TMEM108: variants seen among roughly 807,000 people sequenced by gnomAD.
TMEM108 encodes cancer/testis antigen 124.
In TMEM108, 12 loss-of-function variants were observed where a neutral mutation model predicts 35.1. The ratio of observed to expected loss-of-function variants is 0.34; its 90% CI spans 0.22 to 0.55. The LOEUF (loss-of-function observed/expected upper bound fraction) is 0.55. Among genes scored for constraint, TMEM108 ranks in the 20% least tolerant of loss-of-function variants. The probability of loss-of-function intolerance (pLI) is 0.89; values close to 1 mark genes in which losing one functional copy is unlikely to be tolerated. For synonymous variants in TMEM108, 287 were observed against 308.6 expected, an observed-to-expected ratio of 0.93 and a Z score of 0.73; for missense variants, 680 against 753.3, an observed-to-expected ratio of 0.90 and a Z score of 1.14.
At chr3:133,376,098 CA>C (rs2072830222) in intron 3 of TMEM108, among the ~76,000 whole-genome samples, 1 of 152,186 alleles carries the variant, frequency 6.6e-6, no homozygotes, top group East Asian at 1.9e-4. Flanking sequence ...TAGGCAGCAG[CA>C]ACAAAGACAA....
chr3:133,105,167 G>A (rs1944134570), intron 2 of TMEM108, among the ~76,000 whole-genome samples: 1 of 152,162 alleles, frequency 6.6e-6, no homozygotes, highest in South Asian at 2.1e-4. Context: ...TCTGTGTCAG[G>A]TGGCATAGGG....
chr3:133,056,107 A>G (rs1008596700), intron 2 of TMEM108, among the ~76,000 whole-genome samples: 1 of 151,962 alleles, frequency 6.6e-6, no homozygotes, highest in African/African-American at 2.4e-5. Context: ...TCTTTGCCTC[A>G]ATTCTTATAT....
At chr3:133,133,680 CCTTTTTTTTT>C (rs1159739875) in intron 2 of TMEM108, among the ~76,000 whole-genome samples, 3 of 150,138 alleles carry the variant, frequency 2.0e-5, no homozygotes, top group Non-Finnish European at 4.4e-5. Flanking sequence ...CTTTTTTTTT[CCTTTTTTTTT>C]CTTTCTTTTT....
intron 3 of TMEM108, among the ~76,000 whole-genome samples, chr3:133,243,677 C>A (rs148730008): frequency 1.3e-5 from 2 of 152,080 alleles, no homozygotes; most frequent in Non-Finnish European, 1.5e-5. Context: ...CCTGCCACCA[C>A]GCCCGGCTAA....
At chr3:133,351,165 C>G (rs1488178261) in intron 3 of TMEM108, among the ~76,000 whole-genome samples, 2 of 152,170 alleles carry the variant, frequency 1.3e-5, no homozygotes, top group Non-Finnish European at 2.9e-5. Flanking sequence ...GCCTTTCGTT[C>G]CAGCACTGCT....
chr3:133,174,983 G>A (rs1945194429), intron 2 of TMEM108, among the ~76,000 whole-genome samples: 1 of 152,122 alleles, frequency 6.6e-6, no homozygotes, highest in African/African-American at 2.4e-5. Flanking sequence ...GTCCTTAAAG[G>A]ACCTGATGGA....
At chr3:133,228,268 G>T (rs1946103462) in intron 2 of TMEM108, among the ~76,000 whole-genome samples, 1 of 151,348 alleles carries the variant, frequency 6.6e-6, no homozygotes, top group African/African-American at 2.4e-5. Context: ...CATGCTAGTA[G>T]AGAATTGTTA....
chr3:133,255,521 T>C (rs560747797), intron 3 of TMEM108, among the ~76,000 whole-genome samples: 1 of 152,042 alleles, frequency 6.6e-6, no homozygotes, highest in South Asian at 2.1e-4. Context: ...TGAGAAAGGG[T>C]AATTGAGACA....
At chr3:133,108,167 G>C (rs892390768) in intron 2 of TMEM108, among the ~76,000 whole-genome samples, 1 of 152,064 alleles carries the variant, frequency 6.6e-6, no homozygotes, top group Non-Finnish European at 1.5e-5. Context: ...GGAGGCGGAG[G>C]TTGCAATAAG....
intron 2 of TMEM108, among the ~76,000 whole-genome samples, chr3:133,092,880 CT>C (rs1943966949): frequency 6.6e-6 from 1 of 152,054 alleles, no homozygotes; most frequent in Admixed American, 6.6e-5. Context: ...CAGAACAAAG[CT>C]GTGTAATCAT....
intron 2 of TMEM108, among the ~76,000 whole-genome samples, chr3:133,123,692 C>T (rs1944381210): frequency 6.6e-6 from 1 of 152,142 alleles, no homozygotes; most frequent in South Asian, 2.1e-4. Flanking sequence ...GAATAAGAAG[C>T]CTCTTTTTAG....
At chr3:133,192,921 T>TGTGTGTGCGCGCGTGTGTGC (rs1419512673) in intron 2 of TMEM108, 4 of 152,020 alleles carry the variant, frequency 2.6e-5, no homozygotes, top group Admixed American at 1.3e-4. Flanking sequence ...TGTGTGTGTG[T>TGTGTGTGCGCGCGTGTGTGC]GTGCGCGTGT....
Position 133,159,471 on chromosome 3 carries a change from TC to T in TMEM108, c.-46-69794del, listed in dbSNP as rs1184662391. On this transcript the variant is annotated intron_variant, in intron 2 of 5. Transcript: ENST00000321871. Reference sequence around the variant, plus strand: ...AGGATCCACCCCTTTGATGACCTGATCTTTGAGGGCTCTTGCACCTTACTCA... The same window carrying T: ...AGGATCCACCCCTTTGATGACCTGATTTTGAGGGCTCTTGCACCTTACTCA... Among the ~76,000 whole-genome samples, 3 of 152,322 alleles carry T rather than the reference TC, an allele frequency of 2.0e-5. No individual in the cohort carries two copies. In the East Asian group the frequency reaches 5.8e-4, roughly 29 times the overall value.
chr3:133,253,126 G>T (rs749967019), intron 3 of TMEM108, among the ~76,000 whole-genome samples: 1 of 152,128 alleles, frequency 6.6e-6, no homozygotes, highest in Non-Finnish European at 1.5e-5. Flanking sequence ...TTCTTCAGGG[G>T]TCCTGGGACC....
At chr3:133,198,676 A>G (rs929859215) in intron 2 of TMEM108, among the ~76,000 whole-genome samples, 8 of 152,250 alleles carry the variant, frequency 5.3e-5, no homozygotes, top group African/African-American at 1.9e-4. Context: ...CATCTTTTGT[A>G]AAGATTAAAA....
At chr3:133,072,530 GA>G (rs1943688290) in intron 2 of TMEM108, among the ~76,000 whole-genome samples, 2 of 152,004 alleles carry the variant, frequency 1.3e-5, no homozygotes, top group Admixed American at 1.3e-4. Context: ...ATTTAATGTA[GA>G]AAAAGGGGAA....
intron 3 of TMEM108, among the ~76,000 whole-genome samples, chr3:133,368,774 AT>A (rs2072571855): frequency 6.6e-6 from 1 of 152,188 alleles, no homozygotes; most frequent in Non-Finnish European, 1.5e-5. Context: ...AATGTGTGGA[AT>A]TATTCTTTCA....
At position 133,067,970 on chromosome 3, in the gene TMEM108, C is replaced by T. The variant is rs940844586; in HGVS notation, c.-47+21950C>T. On this transcript the variant is annotated intron_variant, in intron 2 of 5. Coordinates refer to ENST00000321871, the MANE Select transcript of TMEM108 (RefSeq NM_023943.4). ...CAGCATCTGGTGTGGGTCATCCCAC[C>T]GTGGAAGGCAGAAATGAGCACATAA... Among the ~76,000 whole-genome samples, 14 of 151,962 alleles carry T rather than the reference C, an allele frequency of 9.2e-5. No homozygotes were observed. The East Asian group carries it at 2.3e-3, about 25-fold the overall frequency.
chr3:133,273,883 C>T (rs770825799), intron 3 of TMEM108, among the ~76,000 whole-genome samples: 2 of 152,194 alleles, frequency 1.3e-5, no homozygotes, highest in Non-Finnish European at 2.9e-5. Context: ...GCGTAACAGT[C>T]AGACCAAGCA....
Sources: allele counts gnomAD v4.1 joint callset (sites outside exome capture counted in the v4.1 genomes callset), GRCh38; gene constraint gnomAD v4.1.1; transcripts MANE v1.5; gene names NCBI Gene and HGNC (gene_info 2026-07-23, HGNC 2026-07-21).